The following ATP10A variants were observed in gnomAD, a reference collection of about 807,000 sequenced individuals.
ATP10A encodes the protein ATPase phospholipid transporting 10A (putative), also known as phospholipid-transporting ATPase VA.
In ATP10A, 111 loss-of-function variants were observed where a neutral mutation model predicts 147.8. The ratio of observed to expected loss-of-function variants is 0.75; its 90% CI spans 0.64 to 0.88. The LOEUF (loss-of-function observed/expected upper bound fraction) is 0.88. Among genes scored for constraint, ATP10A ranks in the 40% least tolerant of loss-of-function variants. The pLI is 0.00. For synonymous variants in ATP10A, 875 were observed against 841.6 expected (o/e 1.04, Z -0.69); for missense variants, 1,927 against 1,959.0 (o/e 0.98, Z 0.31).
chr15:25,764,576 A>G (rs185472408), intron 2 of ATP10A, among the ~76,000 whole-genome samples: 86 of 152,252 alleles, frequency 5.6e-4, no homozygotes, highest in African/African-American at 2.0e-3. Flanking sequence ...CAGGCCGGGA[A>G]GAGGGCCCTT....
chr15:25,836,006 G>A (rs1596977445), intron 1 of ATP10A, among the ~76,000 whole-genome samples: 1 of 152,154 alleles, frequency 6.6e-6, no homozygotes, highest in East Asian at 1.9e-4. Flanking sequence ...GTAGAGATGG[G>A]GTTTCACCGT....
rs114150151 is a variant in ATP10A at position 25,717,456 on chromosome 15, A to G, written c.1582-532T>C. Among the ~76,000 whole-genome samples, 933 of 152,330 alleles carry G rather than the reference A, an allele frequency of 6.1e-3. 10 individuals carry two copies. The highest frequency in any genetic ancestry group is 0.022 in the African/African-American group (896 of 41,570). On this transcript the variant is annotated intron_variant, in intron 8 of 20. Transcript: ENST00000555815. ...AGACGAGAAAGTTTGAATACTTTAAATACTCTTGACTCATACTGAAAAATG... is the reference window on the plus strand; with the variant it reads ...AGACGAGAAAGTTTGAATACTTTAAGTACTCTTGACTCATACTGAAAAATG...
chr15:25,811,747 T>C (rs781114567), intron 1 of ATP10A, among the ~76,000 whole-genome samples: 2 of 152,150 alleles, frequency 1.3e-5, no homozygotes, highest in Non-Finnish European at 2.9e-5. Context: ...TGGTGGTTTA[T>C]CAGTGGCAAG....
Position 25,713,995 on chromosome 15 carries a change from C to G in ATP10A, c.2023G>C (p.Asp675His). 1.2e-6 allele frequency: 2 copies of G among 1,609,878 alleles called. No individual in the cohort carries two copies. Among genetic ancestry groups the G allele is most frequent in the Non-Finnish European group, 1.7e-6 (2 of 1,179,918 alleles). ...TGAGCAAGCTCCGAGGCCCAGTTGT[C>G]CGCCTGGCTGCTGTAGCCGTTGCTG... is the stretch of plus-strand genomic sequence containing the variant. ...IASNGYSSQA[D>H]NWASELAQEQ... Residue 675 changes from aspartate (D) to histidine (H), a missense_variant, in exon 10 of 21, where the codon GAC becomes CAC. Asp to His is a moderately conservative substitution (Grantham distance 81). Coordinates refer to ENST00000555815, the MANE Select transcript of ATP10A (RefSeq NM_024490.4).
At chr15:25,764,616 T>C (rs1309328238) in intron 2 of ATP10A, among the ~76,000 whole-genome samples, 1 of 152,204 alleles carries the variant, frequency 6.6e-6, no homozygotes, top group Non-Finnish European at 1.5e-5. Context: ...GGCGCCTCAA[T>C]CTTGTATTCC....
intron 1 of ATP10A, among the ~76,000 whole-genome samples, chr15:25,821,454 T>C (rs17116225): frequency 0.062 from 9,315 of 150,498 alleles, 466 homozygotes; most frequent in African/African-American, 0.13. Flanking sequence ...AGAAACAACA[T>C]TGAATAGATA....
intron 7 of ATP10A, among the ~76,000 whole-genome samples, chr15:25,721,329 G>C (rs1458610334): frequency 6.6e-6 from 1 of 152,184 alleles, no homozygotes; most frequent in African/African-American, 2.4e-5. Context: ...GTCCCTTGGT[G>C]TGGCAGAGCA....
intron 3 of ATP10A, among the ~76,000 whole-genome samples, chr15:25,734,281 C>T (rs565552953): frequency 1.9e-3 from 284 of 152,336 alleles, no homozygotes; most frequent in Non-Finnish European, 3.2e-3. Context: ...TGCCAGGCAC[C>T]GCCCTGTCAC....
At chr15:25,771,665 CA>C (rs1889344066) in intron 2 of ATP10A, among the ~76,000 whole-genome samples, 1 of 152,030 alleles carries the variant, frequency 6.6e-6, no homozygotes, top group Non-Finnish European at 1.5e-5. Flanking sequence ...GGAAAGTGAC[CA>C]TTCCCTGGCT....
chr15:25,687,574 G>A lies in ATP10A; in HGVS notation c.3291+129C>T, dbSNP rs192882251. On this transcript the variant is annotated intron_variant, in intron 16 of 20. Transcript: ENST00000555815. ...GCCCAGGACAGGGGACAATTACACA[G>A]GCGAAGGAGGATGGAGCAGGTTGTC... 12 of 587,682 alleles carry A rather than the reference G, an allele frequency of 2.0e-5. No individual in the cohort carries two copies. In the East Asian group the frequency reaches 1.5e-3, roughly 76 times the overall value. 36.4% of individuals were successfully genotyped at this position (587,682 alleles called of 1,614,324 possible). A position where few individuals can be genotyped will look rare whatever the true frequency, so the allele number is the denominator to read the frequency against.
chr15:25,829,272 T>C (rs1892252291), intron 1 of ATP10A, among the ~76,000 whole-genome samples: 1 of 152,076 alleles, frequency 6.6e-6, no homozygotes, highest in East Asian at 1.9e-4. Flanking sequence ...ATGTCACCTG[T>C]GATGATGTCA....
chr15:25,806,337 G>A (rs1183369728), intron 1 of ATP10A, among the ~76,000 whole-genome samples: 1 of 73,824 alleles, frequency 1.4e-5, no homozygotes, highest in Non-Finnish European at 3.3e-5. Context: ...CTTTGAGATG[G>A]AGTCTTGCTC....
intron 1 of ATP10A, among the ~76,000 whole-genome samples, chr15:25,823,462 G>A (rs1442608970): frequency 1.3e-5 from 2 of 152,180 alleles, no homozygotes; most frequent in South Asian, 2.1e-4. Flanking sequence ...ACTTGAGGAC[G>A]TCCCCCAGGT....
chr15:25,812,265 A>G (rs1891466921), intron 1 of ATP10A, among the ~76,000 whole-genome samples: 1 of 152,216 alleles, frequency 6.6e-6, no homozygotes, highest in Non-Finnish European at 1.5e-5. Flanking sequence ...GTCAGGAAAC[A>G]GGAACCTCTC....
intron 2 of ATP10A, among the ~76,000 whole-genome samples, chr15:25,772,722 C>T (rs1889401676): frequency 6.6e-6 from 1 of 152,198 alleles, no homozygotes; most frequent in South Asian, 2.1e-4. Flanking sequence ...GGCACAATTC[C>T]TAACCTATGA....
chr15:25,863,030 TG>T lies in ATP10A; in HGVS notation c.66del (p.Arg23GlyfsTer81). ...GPPGRRRRRE[G>X]RTRTVRSNLL... Reference sequence around the variant, plus strand: ...AGGTTGGAGCGCACCGTGCGCGTCCTGCCCTCTCGGCGCCTCCGCCGTCCCG... The same window carrying T: ...AGGTTGGAGCGCACCGTGCGCGTCCTCCCTCTCGGCGCCTCCGCCGTCCCG... On this transcript the variant is annotated frameshift_variant, in exon 1 of 21. Coordinates refer to ENST00000555815, the MANE Select transcript of ATP10A (RefSeq NM_024490.4). LOFTEE classifies it high-confidence loss of function. 1 of 1,292,466 alleles carries T rather than the reference TG, an allele frequency of 7.7e-7. No individual in the cohort carries two copies. The highest frequency in any genetic ancestry group is 4.1e-5 in the Admixed American group (1 of 24,534). 80.1% of individuals were successfully genotyped at this position (1,292,466 alleles called of 1,614,324 possible).
chr15:25,709,972 G>C (rs964779561), intron 10 of ATP10A: 3 of 152,300 alleles, frequency 2.0e-5, no homozygotes, highest in African/African-American at 7.2e-5. Flanking sequence ...CGAGGAGCTG[G>C]GGGAACCTCC....
intron 13 of ATP10A, among the ~76,000 whole-genome samples, chr15:25,696,798 A>G (rs1156264475): frequency 1.3e-5 from 2 of 152,200 alleles, no homozygotes; most frequent in South Asian, 2.1e-4. Flanking sequence ...GAAGTCTCCA[A>G]TTTTATTTAT....
chr15:25,795,048 G>A (rs1012827128), intron 1 of ATP10A, among the ~76,000 whole-genome samples: 4 of 152,274 alleles, frequency 2.6e-5, no homozygotes, highest in East Asian at 3.9e-4. Flanking sequence ...GCTGAGAAAT[G>A]GGCATTGCTA....
Sources: gnomAD v4.1 joint callset for allele counts (sites outside exome capture counted in the v4.1 genomes callset) on GRCh38, gnomAD v4.1.1 for gene constraint, MANE v1.5 for transcripts, NCBI Gene and HGNC (gene_info 2026-07-23, HGNC 2026-07-21) for gene names.